CCDC150: variants seen among roughly 807,000 people sequenced by gnomAD.
CCDC150 encodes coiled-coil domain containing 150, also known as coiled-coil domain-containing protein 150.
A neutral mutation model predicts 156.5 loss-of-function variants in CCDC150; 151 were observed. That is an observed-to-expected ratio of 0.97 (90% CI 0.85 to 1.10). The LOEUF is 1.10. Ranked by LOEUF, CCDC150 falls within the 50% of genes least tolerant of loss-of-function variation. The pLI, the probability that CCDC150 is intolerant of heterozygous loss-of-function variation, is 0.00. For synonymous variants in CCDC150, 452 were observed against 429.4 expected (o/e 1.05, Z -0.65); for missense variants, 1,312 against 1,268.1 (o/e 1.03, Z -0.53).
At chr2:196,707,733 G>T (rs575837971) in intron 15 of CCDC150, among the ~76,000 whole-genome samples, 5 of 152,268 alleles carry the variant, frequency 3.3e-5, no homozygotes, top group African/African-American at 1.2e-4. Flanking sequence ...TGGTTTCAAA[G>T]AACATCTTTA....
At chr2:196,693,531 T>C (rs1695615657) in intron 13 of CCDC150, among the ~76,000 whole-genome samples, 1 of 152,256 alleles carries the variant, frequency 6.6e-6, no homozygotes. Flanking sequence ...TCACTTACTC[T>C]AGCATCTTTT....
At chr2:196,712,333 C>G in intron 16 of CCDC150, 81 bp downstream of exon 16, 1 of 722,232 alleles carries the variant, frequency 1.4e-6, no homozygotes, top group African/African-American at 1.8e-5. Flanking sequence ...CCCCACTTTA[C>G]CACACAATCC....
chr2:196,703,521 T>G (rs1042119681), intron 15 of CCDC150, among the ~76,000 whole-genome samples: 2 of 152,204 alleles, frequency 1.3e-5, no homozygotes, highest in African/African-American at 4.8e-5. Flanking sequence ...TCTTATCTAC[T>G]TCTCATTGGG....
In CCDC150 at chr2:196,721,569, G is replaced by A. The variant is rs1195528868; in HGVS notation, c.2307G>A (p.Arg769=). The A allele has an allele frequency of 1.2e-6, 2 of 1,608,382 alleles. No homozygotes were observed. The highest frequency in any genetic ancestry group is 8.5e-7 in the Non-Finnish European group (1 of 1,177,752). The change falls in exon 21 of 28, where the codon AGG becomes AGA. Residue 769 remains arginine (R), a synonymous_variant. Transcript: ENST00000389175. Reference sequence around the variant, plus strand: ...TAGGTGTAGCTAGAGAAGACAACAGGAAACTTGCTATGAGTCTGGAACAAG... The same window carrying A: ...TAGGTGTAGCTAGAGAAGACAACAGAAAACTTGCTATGAGTCTGGAACAAG... ...KALGVAREDN[R]KLAMSLEQAL...
rs779774670 is a variant in CCDC150 at position 196,658,842 on chromosome 2, G to A, written c.627G>A (p.Met209Ile). 5 of 1,604,546 alleles carry A rather than the reference G, an allele frequency of 3.1e-6. No individual in the cohort carries two copies. Among genetic ancestry groups the A allele is most frequent in the Non-Finnish European group, 4.3e-6 (5 of 1,175,084 alleles). ...EEELKTTKRK[M>I]NLKIQELRRQ... Reference sequence around the variant, plus strand: ...AACTGAAGACCACAAAACGTAAAATGAACCTTAAAATTCAAGAGGTAAGAC... The same window carrying A: ...AACTGAAGACCACAAAACGTAAAATAAACCTTAAAATTCAAGAGGTAAGAC... The change falls in exon 5 of 28, where the codon ATG (methionine) becomes ATA (isoleucine). Residue 209 changes from methionine (M) to isoleucine (I), a missense_variant. Coordinates refer to ENST00000389175, the MANE Select transcript of CCDC150 (RefSeq NM_001080539.2).
At position 196,648,699 on chromosome 2, in the gene CCDC150, G is replaced by T. The variant is rs1450513309; in HGVS notation, c.176+2195G>T. On this transcript the variant is annotated intron_variant, in intron 2 of 27. Coordinates refer to ENST00000389175, the MANE Select transcript of CCDC150 (RefSeq NM_001080539.2). ...CCTGTGCTTTGGGAGTCATATCCAA[G>T]AAATCATTGCTGAGACCAATGTCAA... Among the ~76,000 whole-genome samples the T allele has an allele frequency of 3.3e-5, 5 of 152,266 alleles. No individual in the cohort carries two copies. In the East Asian group the frequency reaches 9.6e-4, roughly 29 times the overall value.
rs1333803785 is a variant in CCDC150, at chr2:196,729,698, CT to C, written c.2752-94del. 3 of 847,252 alleles carry C rather than the reference CT, an allele frequency of 3.5e-6. No individual in the cohort carries two copies. In the African/African-American group the frequency reaches 5.2e-5, roughly 15 times the overall value. 52.5% of individuals were successfully genotyped at this position (847,252 alleles called of 1,614,324 possible). ...TCAGCAGGAACTGGTAACTTTGGGT[CT>C]CATATTGGATTCTTTCTGTCATCCT... On this transcript the variant is annotated intron_variant, in intron 23 of 27. Transcript: ENST00000389175.
intron 17 of CCDC150, among the ~76,000 whole-genome samples, chr2:196,716,846 CTTTTTTTTTTTT>C (rs775962426): frequency 9.4e-5 from 7 of 74,368 alleles, no homozygotes; most frequent in South Asian, 4.7e-4. Context: ...AAATAACATT[CTTTTTTTTTTTT>C]TTTTTTTTTT....
intron 15 of CCDC150, among the ~76,000 whole-genome samples, chr2:196,709,972 C>A (rs959116714): frequency 5.9e-5 from 9 of 152,206 alleles, no homozygotes; most frequent in Non-Finnish European, 1.0e-4. Flanking sequence ...GGGTCAGGGA[C>A]CCACTTGAGG....
At chr2:196,709,390 A>T (rs1696917401) in intron 15 of CCDC150, among the ~76,000 whole-genome samples, 1 of 152,076 alleles carries the variant, frequency 6.6e-6, no homozygotes, top group Non-Finnish European at 1.5e-5. Flanking sequence ...TGTTTTTTCT[A>T]GTTAGCCATT....
chr2:196,729,165 G>A (rs757559375), intron 22 of CCDC150, 28 bp from the exon 23 acceptor site: 15 of 1,565,050 alleles, frequency 9.6e-6, no homozygotes, highest in Admixed American at 6.1e-5. Context: ...AAGTAAAAAT[G>A]TTTCAATTTT....
At position 196,726,031 on chromosome 2, in the gene CCDC150, G is replaced by A. The variant is rs1175105852; in HGVS notation, c.2488G>A (p.Ala830Thr). Reference sequence around the variant, plus strand: ...AGAATTGCATGCTGAACGCATAGAAGCTCTAAGAAAGCAGTTTCAAACCGA... The same window carrying A: ...AGAATTGCATGCTGAACGCATAGAAACTCTAAGAAAGCAGTTTCAAACCGA... Reference protein sequence around the residue: ...EAELHAERIEALRKQFQTERE... With the variant: ...EAELHAERIETLRKQFQTERE... Residue 830 changes from alanine to threonine, a missense_variant, in exon 22 of 28, where the codon GCT (alanine) becomes ACT (threonine). Coordinates refer to ENST00000389175, the MANE Select transcript of CCDC150 (RefSeq NM_001080539.2). The A allele has an allele frequency of 6.2e-7, 1 of 1,610,736 alleles. No individual in the cohort carries two copies. Among genetic ancestry groups the A allele is most frequent in the Non-Finnish European group, 8.5e-7 (1 of 1,178,406 alleles).
intron 2 of CCDC150, among the ~76,000 whole-genome samples, chr2:196,650,799 C>T (rs1692831811): frequency 6.6e-6 from 1 of 152,124 alleles, no homozygotes; most frequent in Non-Finnish European, 1.5e-5. Context: ...TAATGCTGGC[C>T]TTGTAAAACG....
At chr2:196,677,571 G>A (rs1694588144) in intron 13 of CCDC150, among the ~76,000 whole-genome samples, 1 of 152,160 alleles carries the variant, frequency 6.6e-6, no homozygotes, top group Non-Finnish European at 1.5e-5. Flanking sequence ...TCTGATGTTT[G>A]CCAGTGAGTC....
At chr2:196,668,450 G>A (rs904739903) in intron 7 of CCDC150, among the ~76,000 whole-genome samples, 7 of 151,976 alleles carry the variant, frequency 4.6e-5, no homozygotes, top group African/African-American at 1.7e-4. Context: ...TTGGATTAAT[G>A]CTTTATTTTT....
At chr2:196,645,851 C>T (rs1692502600) in intron 1 of CCDC150, among the ~76,000 whole-genome samples, 1 of 152,174 alleles carries the variant, frequency 6.6e-6, no homozygotes. Context: ...GAATGTTTTT[C>T]AAGAAGGTTG....
chr2:196,726,359 A>T (rs917122679), intron 22 of CCDC150: 2 of 311,044 alleles, frequency 6.4e-6, no homozygotes, highest in Non-Finnish European at 1.2e-5. Context: ...GAATAAGGAG[A>T]CTGCCATTTG....
chr2:196,661,659 T>A (rs573709139), intron 5 of CCDC150, among the ~76,000 whole-genome samples: 1 of 152,290 alleles, frequency 6.6e-6, no homozygotes, highest in South Asian at 2.1e-4. Flanking sequence ...GTGGTATTTA[T>A]CTTCCTAAGA....
chr2:196,701,209 G>A, intron 15 of CCDC150, 29 bp downstream of exon 15: 5 of 1,444,322 alleles, frequency 3.5e-6, no homozygotes, highest in Non-Finnish European at 4.8e-6. Context: ...GATTTTTCTT[G>A]TTTGAATTTT....
Sources: allele counts gnomAD v4.1 joint callset (sites outside exome capture counted in the v4.1 genomes callset), GRCh38; gene constraint gnomAD v4.1.1; transcripts MANE v1.5; gene names NCBI Gene and HGNC (gene_info 2026-07-23, HGNC 2026-07-21).